The following PLEKHG4 variants were observed in gnomAD, a reference collection of about 807,000 sequenced individuals.
PLEKHG4 encodes the protein pleckstrin homology and RhoGEF domain containing G4, also known as puratrophin-1.
PLEKHG4 carries 85 observed loss-of-function variants against 136.9 expected under a neutral mutation model. The observed-to-expected ratio is 0.62, with a 90% confidence interval of 0.52 to 0.74. PLEKHG4 has a LOEUF of 0.74. Among genes scored for constraint, PLEKHG4 ranks in the 30% least tolerant of loss-of-function variants. The pLI is 0.00. For missense variants in PLEKHG4, 1,317 were observed against 1,527.8 expected, an observed-to-expected ratio of 0.86 and a Z score of 2.30; for synonymous variants, 577 against 646.9, an observed-to-expected ratio of 0.89 and a Z score of 1.64.
chr16:67,281,515 C>T, intron 5 of PLEKHG4, 52 bp from the exon 6 acceptor site: 1 of 1,489,680 alleles, frequency 6.7e-7, no homozygotes, highest in Non-Finnish European at 9.4e-7. Context: ...CGTGAGCCAC[C>T]ATGCCCTTTT....
rs1380923197 is a variant in PLEKHG4, at chr16:67,285,185, C to T, written c.2165C>T (p.Pro722Leu). The T allele has an allele frequency of 6.2e-7, 1 of 1,613,658 alleles. No homozygotes were observed. Among genetic ancestry groups the T allele is most frequent in the Non-Finnish European group, 8.5e-7 (1 of 1,180,010 alleles). Residue 722 changes from proline (P) to leucine (L), a missense_variant, in exon 13 of 22, where the codon CCA (proline) becomes CTA (leucine). By Grantham distance (98) the Pro-to-Leu change is moderately conservative (BLOSUM62 -3). Coordinates refer to ENST00000379344, the MANE Select transcript of PLEKHG4 (RefSeq NM_001129729.3). Reference sequence around the variant, plus strand: ...CAGGCATCCCCTACTGTGCCTCCACCAGGCAGCTCTGACCCCAGGAGCCTC... The same window carrying T: ...CAGGCATCCCCTACTGTGCCTCCACTAGGCAGCTCTGACCCCAGGAGCCTC... ...LPQASPTVPP[P>L]GSSDPRSLNR... is the part of the protein sequence containing the mutation.
chr16:67,277,659 T>C (rs1475040855), upstream of PLEKHG4: 3 of 152,428 alleles, frequency 2.0e-5, no homozygotes, highest in East Asian at 5.8e-4. Flanking sequence ...AGGCTGAGTC[T>C]CTGAATCTGT....
Position 67,284,727 on chromosome 16 carries a change from T to A in PLEKHG4, c.1707T>A (p.Ala569=). 1 of 1,613,710 alleles carries A rather than the reference T, an allele frequency of 6.2e-7. No homozygotes were observed. Among genetic ancestry groups the A allele is most frequent in the Non-Finnish European group, 8.5e-7 (1 of 1,179,908 alleles). ...FQLFREALTW[A]EEGQRVLAEL... ...TGGTGTTGCAGGCCTTGACGTGGGC[T>A]GAGGAGGGGCAGCGAGTGTTGGCAG... The change falls in exon 13 of 22, where the codon GCT becomes GCA. Residue 569 remains alanine (A), a synonymous_variant. Transcript: ENST00000379344. This position sits in a 1 kb window ranked among gnomAD's most constrained non-coding sequence, Gnocchi z 4.4.
chr16:67,284,294 A>C lies in PLEKHG4; in HGVS notation c.1529A>C (p.Glu510Ala), dbSNP rs2036358555. 6.2e-7 allele frequency: 1 copy of C among 1,613,818 alleles called. No homozygotes were observed. The highest frequency in any genetic ancestry group is 8.5e-7 in the Non-Finnish European group (1 of 1,179,932). Residue 510 changes from glutamate (E) to alanine (A), a missense_variant, in exon 12 of 22, where the codon GAG (glutamate) becomes GCG (alanine). Physicochemically the swap from Glu to Ala is moderately radical, Grantham distance 107. Transcript: ENST00000379344. This position sits in a 1 kb window ranked among gnomAD's most constrained non-coding sequence, Gnocchi z 4.4. The stretch of plus-strand genomic sequence containing the variant: ...CTGCAGGAGCAGGTCAGGCAAGGGG[A>C]GAAGTTTCTGCAGCCGCTGACTGGC... ...QVAQEQVRQG[E>A]KFLQPLTGWE...
rs753246825 is a variant in PLEKHG4 at position 67,284,234 on chromosome 16, G to A, written c.1510-41G>A. 4 of 1,588,130 alleles carry A rather than the reference G, an allele frequency of 2.5e-6. No individual in the cohort carries two copies. Among genetic ancestry groups the A allele is most frequent in the East Asian group, 2.2e-5 (1 of 44,600 alleles). On this transcript the variant is annotated intron_variant, in intron 11 of 21. Coordinates refer to ENST00000379344, the MANE Select transcript of PLEKHG4 (RefSeq NM_001129729.3). The surrounding 1 kb of genome is among the most constrained non-coding windows in gnomAD (Gnocchi z 4.4). ...AGTATCTGAGTCTGGGGGCTAGACCGCCAGGCCTGGGCTGGCTGAGCCTAG... is the reference window on the plus strand; with the variant it reads ...AGTATCTGAGTCTGGGGGCTAGACCACCAGGCCTGGGCTGGCTGAGCCTAG...
Position 67,285,274 on chromosome 16 carries a change from TCCCCATACCTGGTAGG to T in PLEKHG4, c.2196-14_2197del, listed in dbSNP as rs1404132127. On this transcript the variant is annotated splice_acceptor_variant and splice_polypyrimidine_tract_variant and coding_sequence_variant and intron_variant, in exon 14 of 22. Coordinates refer to ENST00000379344, the MANE Select transcript of PLEKHG4 (RefSeq NM_001129729.3). LOFTEE classifies it high-confidence loss of function. ...AAGGAGAGATGTCTTGGGTCCTGAC[TCCCCATACCTGGTAGG>T]CTACAGCTGGTGCTGGCAGAGATGG... 3.0e-5 allele frequency: 48 copies of T among 1,613,828 alleles called. No homozygotes were observed. Among genetic ancestry groups the T allele is most frequent in the Non-Finnish European group, 3.9e-5 (46 of 1,180,032 alleles).
Position 67,282,864 on chromosome 16 carries a change from TG to T in PLEKHG4, c.1509+7del. On this transcript the variant is annotated splice_region_variant and intron_variant, in intron 11 of 21. Coordinates refer to ENST00000379344, the MANE Select transcript of PLEKHG4 (RefSeq NM_001129729.3). Reference sequence around the variant, plus strand: ...AGCTGTACCAGGTTGCCCAGGTATATGTGGTCACTTGTTCATGCCACGGGTA... The same window carrying T: ...AGCTGTACCAGGTTGCCCAGGTATATTGGTCACTTGTTCATGCCACGGGTA... 1 of 1,595,002 alleles carries T rather than the reference TG, an allele frequency of 6.3e-7. No individual in the cohort carries two copies. The highest frequency in any genetic ancestry group is 8.6e-7 in the Non-Finnish European group (1 of 1,163,398).
chr16:67,281,417 G>C, intron 5 of PLEKHG4, 150 bp from the exon 6 acceptor site: 3 of 751,572 alleles, frequency 4.0e-6, no homozygotes, highest in Non-Finnish European at 7.0e-6. Context: ...TAGAGAGGGG[G>C]TTTCACCATG....
Position 67,288,322 on chromosome 16 carries a change from C to T in PLEKHG4, c.3376C>T (p.Arg1126Cys), listed in dbSNP as rs769582604. ...LYRDPALLGL[R>C]CPLYPSFPEE... ...CAGAGACCCAGCTCTTCTGGGTCTCCGCTGTCCCCTGTATCCCAGCTTCCC... is the reference window on the plus strand; with the variant it reads ...CAGAGACCCAGCTCTTCTGGGTCTCTGCTGTCCCCTGTATCCCAGCTTCCC... Residue 1126 changes from arginine to cysteine, a missense_variant, in exon 20 of 22, where the codon CGC (arginine) becomes TGC (cysteine). Coordinates refer to ENST00000379344, the MANE Select transcript of PLEKHG4 (RefSeq NM_001129729.3). The T allele has an allele frequency of 1.7e-5, 28 of 1,612,140 alleles. No individual in the cohort carries two copies. The highest frequency in any genetic ancestry group is 2.3e-5 in the Non-Finnish European group (27 of 1,179,918).
Position 67,289,460 on chromosome 16 carries a change from T to C in PLEKHG4, c.*652T>C. On this transcript the variant is annotated 3_prime_UTR_variant, in exon 22 of 22. Coordinates refer to ENST00000379344, the MANE Select transcript of PLEKHG4 (RefSeq NM_001129729.3). ...GATTTAATCTTTTATTTGTTTATAA[T>C]AAAAAATAGACTGATATGTACCCTC... is the stretch of plus-strand genomic sequence containing the variant. The C allele has an allele frequency of 3.4e-6, 2 of 596,168 alleles. No homozygotes were observed. The highest frequency in any genetic ancestry group is 6.0e-6 in the Non-Finnish European group (2 of 333,736). The allele number at this position is 596,168 out of a possible 1,614,324, so 36.9% of individuals were successfully genotyped here. A position where few individuals can be genotyped will look rare whatever the true frequency, so the allele number is the denominator to read the frequency against.
At chr16:67,283,606 G>A in intron 11 of PLEKHG4, among the ~76,000 whole-genome samples, 2 of 152,126 alleles carry the variant, frequency 1.3e-5, no homozygotes, top group East Asian at 3.9e-4. Context: ...GGACAAGGAT[G>A]TTGCAAGGAT....
At chr16:67,281,280 G>C (rs2036213288) in intron 5 of PLEKHG4, 96 bp downstream of exon 5, 13 of 958,922 alleles carry the variant, frequency 1.4e-5, no homozygotes, top group Admixed American at 1.8e-5. Context: ...CTGGAGTGCA[G>C]TGGCGCAATC....
Position 67,288,940 on chromosome 16 carries a change from A to G in PLEKHG4, c.*132A>G, listed in dbSNP as rs1404842124. 14 of 1,010,222 alleles carry G rather than the reference A, an allele frequency of 1.4e-5. No individual in the cohort carries two copies. The highest frequency in any genetic ancestry group is 2.0e-5 in the Admixed American group (1 of 50,484). 62.6% of individuals were successfully genotyped at this position (1,010,222 alleles called of 1,614,324 possible). On this transcript the variant is annotated 3_prime_UTR_variant, in exon 22 of 22. Transcript: ENST00000379344. ...ACCTACATGTGCAACGCTGTTGACT[A>G]CCCTTTCTGATGTGTGTGGCCATTG...
chr16:67,285,012 C>A lies in PLEKHG4; in HGVS notation c.1992C>A (p.Pro664=). Residue 664 remains proline, a synonymous_variant, in exon 13 of 22, where the codon CCC becomes CCA. Coordinates refer to ENST00000379344, the MANE Select transcript of PLEKHG4 (RefSeq NM_001129729.3). ...STASLCVSQV[P]AAPAHPPLRK... The stretch of plus-strand genomic sequence containing the variant: ...CTAGCCTGTGTGTCAGCCAGGTCCC[C>A]GCTGCACCTGCCCACCCTCCCCTGA... 1 of 1,613,542 alleles carries A rather than the reference C, an allele frequency of 6.2e-7. No individual in the cohort carries two copies. Among genetic ancestry groups the A allele is most frequent in the South Asian group, 1.1e-5 (1 of 91,082 alleles).
In PLEKHG4 at chr16:67,279,909, G is replaced by T. The variant is rs1038557660; in HGVS notation, c.-136G>T. On this transcript the variant is annotated 5_prime_UTR_variant, in exon 2 of 22. Coordinates refer to ENST00000379344, the MANE Select transcript of PLEKHG4 (RefSeq NM_001129729.3). ...TGCAGTTCCTGTGCCCTGGCACTAA[G>T]ACTGGCACCTCCTGCGGCCCATGCC... is the stretch of plus-strand genomic sequence containing the variant. 2.4e-5 allele frequency: 20 copies of T among 826,088 alleles called. No homozygotes were observed. Among genetic ancestry groups the T allele is most frequent in the African/African-American group, 3.4e-5 (2 of 58,430 alleles). The allele number at this position is 826,088 out of a possible 1,614,324, so 51.2% of individuals were successfully genotyped here.
rs2036269499 is a variant in PLEKHG4, at chr16:67,282,302, A to T, written c.1206A>T (p.Thr402=). ...WLQCQGGREL[T]WLKQEVPEVT... ...AATGCCAGGGGGGCCGGGAGCTGAC[A>T]TGGCTGAAGCAAGAGGTCCCAGAGG... is the stretch of plus-strand genomic sequence containing the variant. Residue 402 remains threonine, a synonymous_variant, in exon 9 of 22, where the codon ACA becomes ACT. Coordinates refer to ENST00000379344, the MANE Select transcript of PLEKHG4 (RefSeq NM_001129729.3). 3 of 1,613,154 alleles carry T rather than the reference A, an allele frequency of 1.9e-6. No individual in the cohort carries two copies. Among genetic ancestry groups the T allele is most frequent in the Middle Eastern group, 1.6e-4 (1 of 6,062 alleles).
In PLEKHG4 at chr16:67,285,285, G is replaced by T; in HGVS notation, c.2196-5G>T. 1 of 1,613,896 alleles carries T rather than the reference G, an allele frequency of 6.2e-7. No individual in the cohort carries two copies. Among genetic ancestry groups the T allele is most frequent in the Non-Finnish European group, 8.5e-7 (1 of 1,179,944 alleles). ...TCTTGGGTCCTGACTCCCCATACCT[G>T]GTAGGCTACAGCTGGTGCTGGCAGA... On this transcript the variant is annotated splice_region_variant and splice_polypyrimidine_tract_variant and intron_variant, in intron 13 of 21. Transcript: ENST00000379344.
At chr16:67,283,273 G>A (rs1291544923) in intron 11 of PLEKHG4, among the ~76,000 whole-genome samples, 1 of 152,140 alleles carries the variant, frequency 6.6e-6, no homozygotes, top group African/African-American at 2.4e-5. Flanking sequence ...TAAGGCCAGT[G>A]AGGTTGAAAT....
At position 67,280,457 on chromosome 16, in the gene PLEKHG4, C is replaced by T; in HGVS notation, c.413C>T (p.Pro138Leu). The change falls in exon 2 of 22, where the codon CCA becomes CTA. Residue 138 changes from proline (P) to leucine (L), a missense_variant. Physicochemically the swap from Pro to Leu is moderately conservative, Grantham distance 98 (BLOSUM62 -3). Transcript: ENST00000379344. This position sits in a 1 kb window ranked among gnomAD's most constrained non-coding sequence, Gnocchi z 4.4. ...VGDPGPSRAMPSGLSPGALDS... is the reference protein window; with the variant it reads ...VGDPGPSRAMLSGLSPGALDS... Reference sequence around the variant, plus strand: ...GACCCAGGTCCAAGCAGGGCGATGCCATCTGGCTTGAGCCCTGGGGCATTG... The same window carrying T: ...GACCCAGGTCCAAGCAGGGCGATGCTATCTGGCTTGAGCCCTGGGGCATTG... The T allele has an allele frequency of 6.2e-7, 1 of 1,601,076 alleles. No individual in the cohort carries two copies. Among genetic ancestry groups the T allele is most frequent in the South Asian group, 1.1e-5 (1 of 88,988 alleles).
Sources: allele counts gnomAD v4.1 joint callset (sites outside exome capture counted in the v4.1 genomes callset), GRCh38; gene constraint gnomAD v4.1.1; non-coding constraint Gnocchi (gnomAD v3.1); transcripts MANE v1.5; gene names NCBI Gene and HGNC (gene_info 2026-07-23, HGNC 2026-07-21).